Variants in PTGR1 observed in about 807,000 individuals in gnomAD.
The protein encoded by PTGR1 is 15-oxoprostaglandin 13-reductase.
In PTGR1, 23 loss-of-function variants were observed where a neutral mutation model predicts 37.7. The observed-to-expected ratio is 0.61, with a 90% CI of 0.44 to 0.86. The LOEUF is 0.86. PTGR1 is among the 40% of genes least tolerant of loss of function. The pLI, the probability that PTGR1 is intolerant of heterozygous loss-of-function variation, is 0.00. For synonymous variants in PTGR1, 134 were observed against 140.0 expected, an observed-to-expected ratio of 0.96 and a Z score of 0.30; for missense variants, 351 against 394.3, an observed-to-expected ratio of 0.89 and a Z score of 0.93.
At chr9:111,569,772 A>G (rs1416617949) in intron 9 of PTGR1, among the ~76,000 whole-genome samples, 2 of 152,142 alleles carry the variant, frequency 1.3e-5, no homozygotes, top group African/African-American at 4.8e-5. Context: ...AAAGCCTCAT[A>G]TGTGGGTTTA....
intron 9 of PTGR1, among the ~76,000 whole-genome samples, chr9:111,550,690 G>A (rs897392109): frequency 1.3e-5 from 2 of 152,126 alleles, no homozygotes; most frequent in Non-Finnish European, 2.9e-5. Flanking sequence ...CTGCTTTCTT[G>A]AAGATTTCTT....
intron 5 of PTGR1, 148 bp from the exon 6 acceptor site, chr9:111,583,737 G>C (rs1160190132): frequency 2.0e-5 from 13 of 644,162 alleles, no homozygotes. Flanking sequence ...GCCAGCCACT[G>C]TTGCTTTACT....
At chr9:111,558,674 CT>C (rs1189965462), downstream of PTGR1, among the ~76,000 whole-genome samples, 21 of 152,236 alleles carry the variant, frequency 1.4e-4, no homozygotes, top group East Asian at 3.9e-3. Flanking sequence ...CTTTCAGGCC[CT>C]CTTAGTGGGC....
At chr9:111,562,050 TA>T (rs2132311906), downstream of PTGR1, among the ~76,000 whole-genome samples, 1 of 152,270 alleles carries the variant, frequency 6.6e-6, no homozygotes, top group African/African-American at 2.4e-5. Flanking sequence ...CATGCCCAGC[TA>T]ATTTTTGTAT....
At position 111,552,911 on chromosome 9, in the gene PTGR1, C is replaced by A. The variant is rs150059581; in HGVS notation, c.880-3112G>T. Among the ~76,000 whole-genome samples, 373 of 152,150 alleles carry A rather than the reference C, an allele frequency of 2.5e-3. 5 individuals carry two copies. Among genetic ancestry groups the A allele is most frequent in the African/African-American group, 8.0e-3 (331 of 41,510 alleles). Reference sequence around the variant, plus strand: ...TCATGAATGTCTTTTAAGGTCTTTTCCTCATAATTTTCTAAATACGATAAA... The same window carrying A: ...TCATGAATGTCTTTTAAGGTCTTTTACTCATAATTTTCTAAATACGATAAA... On this transcript the variant is annotated intron_variant, in intron 9 of 9. Coordinates refer to the PTGR1 transcript ENST00000538962.
chr9:111,564,597 C>A (rs192833467), intron 9 of PTGR1, among the ~76,000 whole-genome samples: 2 of 151,812 alleles, frequency 1.3e-5, no homozygotes, highest in Non-Finnish European at 2.9e-5. Context: ...TGAGCCACTG[C>A]GCCTGGCTGA....
rs546998628 is a variant in PTGR1, at chr9:111,593,281, C to A, written c.153-299G>T. ...TGTTCAAGTAAAGATGAATTTCTACCAATGACTTTAAAAATAGAACCCAGG... is the reference window on the plus strand; with the variant it reads ...TGTTCAAGTAAAGATGAATTTCTACAAATGACTTTAAAAATAGAACCCAGG... On this transcript the variant is annotated intron_variant, in intron 3 of 9. Transcript: ENST00000407693. Among the ~76,000 whole-genome samples the A allele has an allele frequency of 2.0e-5, 3 of 152,104 alleles. No individual in the cohort carries two copies. In the South Asian group the frequency reaches 6.2e-4, roughly 32 times the overall value.
At chr9:111,590,488 A>T (rs1829577469) in intron 4 of PTGR1, among the ~76,000 whole-genome samples, 2 of 152,062 alleles carry the variant, frequency 1.3e-5, no homozygotes, top group African/African-American at 4.8e-5. Context: ...CCTCCTGAAT[A>T]GCTAGGATTA....
chr9:111,596,438 AC>A (rs1276803660), intron 2 of PTGR1, among the ~76,000 whole-genome samples: 2 of 151,520 alleles, frequency 1.3e-5, no homozygotes, highest in African/African-American at 4.9e-5. Flanking sequence ...AAGATGGGAA[AC>A]CCCGTCTCTA....
At chr9:111,585,764 T>A (rs1829408725) in intron 5 of PTGR1, among the ~76,000 whole-genome samples, 1 of 152,238 alleles carries the variant, frequency 6.6e-6, no homozygotes, top group Non-Finnish European at 1.5e-5. Context: ...GATTTTCTTC[T>A]TTTTTAAGGC....
At chr9:111,553,517 A>G (rs1007434307) in intron 9 of PTGR1, among the ~76,000 whole-genome samples, 7 of 152,290 alleles carry the variant, frequency 4.6e-5, no homozygotes, top group Admixed American at 1.3e-4. Context: ...TATCCAAGTA[A>G]ACACATTGTG....
chr9:111,562,078 G>T (rs147289089), downstream of PTGR1, among the ~76,000 whole-genome samples: 1 of 152,062 alleles, frequency 6.6e-6, no homozygotes, highest in Non-Finnish European at 1.5e-5. Flanking sequence ...TAGAGACAGG[G>T]TCTTGCCATG....
chr9:111,564,191 T>C, intron 9 of PTGR1: 1 of 1,045,602 alleles, frequency 9.6e-7, no homozygotes, highest in Non-Finnish European at 1.2e-6. Flanking sequence ...ATTCCAGTGA[T>C]GGCTTAGCAC....
chr9:111,590,020 C>A (rs929031156), intron 4 of PTGR1, among the ~76,000 whole-genome samples: 5 of 152,162 alleles, frequency 3.3e-5, no homozygotes, highest in Non-Finnish European at 7.3e-5. Context: ...TAAATACTTA[C>A]AATTTTATCA....
chr9:111,578,750 T>C (rs776150353), intron 7 of PTGR1, 46 bp downstream of exon 7: 15 of 1,532,838 alleles, frequency 9.8e-6, no homozygotes, highest in Non-Finnish European at 1.3e-5. Flanking sequence ...CTGCTTTATA[T>C]AGTACTTCCA....
chr9:111,559,554 C>A (rs1434856869), downstream of PTGR1, among the ~76,000 whole-genome samples: 1 of 152,006 alleles, frequency 6.6e-6, no homozygotes, highest in African/African-American at 2.4e-5. Context: ...ACACACTGCC[C>A]AACCCCTCCT....
chr9:111,570,278 G>GGTCACT (rs1828752845), intron 8 of PTGR1, 69 bp from the exon 9 acceptor site: 1 of 1,536,994 alleles, frequency 6.5e-7, no homozygotes, highest in African/African-American at 1.4e-5. Flanking sequence ...AAGCAGTACA[G>GGTCACT]GTCACTGTCA....
rs141651182 is a variant in PTGR1 at position 111,574,782 on chromosome 9, T to G, written c.712A>C (p.Ile238Leu). 6.2e-6 allele frequency: 10 copies of G among 1,613,938 alleles called. No homozygotes were observed. The highest frequency in any genetic ancestry group is 8.5e-6 in the Non-Finnish European group (10 of 1,179,980). ...TTATATGTAGAGATGGCTCCACATA[T>G]GGCAATCCTTCCAAATTTCTTCATC... is the stretch of plus-strand genomic sequence containing the variant. Reference protein sequence around the residue: ...GQMKKFGRIAICGAISTYNRT... With the variant: ...GQMKKFGRIALCGAISTYNRT... The change falls in exon 8 of 10, where the codon ATA (isoleucine) becomes CTA (leucine). Residue 238 changes from isoleucine (I) to leucine (L), a missense_variant. Physicochemically the swap from Ile to Leu is conservative, Grantham distance 5. Coordinates refer to ENST00000407693, the MANE Select transcript of PTGR1 (RefSeq NM_001146108.2).
intron 9 of PTGR1, among the ~76,000 whole-genome samples, chr9:111,555,459 A>G (rs1828094088): frequency 6.6e-6 from 1 of 152,086 alleles, no homozygotes; most frequent in African/African-American, 2.4e-5. Flanking sequence ...CTGTTAATAA[A>G]ATTTTTCCTC....
Sources: allele counts gnomAD v4.1 joint callset (sites outside exome capture counted in the v4.1 genomes callset), GRCh38; gene constraint gnomAD v4.1.1; transcripts MANE v1.5; gene names NCBI Gene and HGNC (gene_info 2026-07-23, HGNC 2026-07-21).